Variants in PPP1CC observed in about 807,000 individuals in gnomAD.
PPP1CC encodes the protein protein phosphatase 1 catalytic subunit gamma.
Under a neutral mutation model 38.4 loss-of-function variants are expected in PPP1CC, and 16 were observed. The observed-to-expected ratio is 0.42, with a 90% CI of 0.28 to 0.63. The LOEUF (loss-of-function observed/expected upper bound fraction) is 0.63. Among genes scored for constraint, PPP1CC ranks in the 30% least tolerant of loss-of-function variants. The pLI is 0.25. For synonymous variants in PPP1CC, 158 were observed against 136.0 expected (o/e 1.16, Z -1.13); for missense variants, 170 against 391.3 (o/e 0.43, Z 4.77).
chr12:110,739,301 C>G (rs1301058931), intron 1 of PPP1CC, among the ~76,000 whole-genome samples: 1 of 151,784 alleles, frequency 6.6e-6, no homozygotes, highest in African/African-American at 2.4e-5. Flanking sequence ...GAGTGAGACT[C>G]TGTCTCCAAA....
chr12:110,733,912 C>A (rs1009694295), intron 1 of PPP1CC, among the ~76,000 whole-genome samples: 7 of 152,096 alleles, frequency 4.6e-5, no homozygotes, highest in Non-Finnish European at 8.8e-5. Flanking sequence ...CTAAAATTAG[C>A]AGAAAGAAAA....
Position 110,742,513 on chromosome 12 carries a change from C to T in PPP1CC, c.55+140G>A, listed in dbSNP as rs180833148. The stretch of plus-strand genomic sequence containing the variant: ...GCCTCCCTCCGGCTGCAGTCCCCGG[C>T]CCGTGGGCCAACTCGAGGAGCTCAC... On this transcript the variant is annotated intron_variant, in intron 1 of 6. Transcript: ENST00000335007. 2.8e-3 allele frequency: 1,842 copies of T among 663,964 alleles called. 26 individuals carry two copies. In the African/African-American group the frequency reaches 0.03, roughly 11 times the overall value. 41.1% of individuals were successfully genotyped at this position (663,964 alleles called of 1,614,324 possible). A position where few individuals can be genotyped will look rare whatever the true frequency, so the allele number is the denominator to read the frequency against.
At chr12:110,732,061 T>C (rs1199527373) in intron 1 of PPP1CC, 160 bp from the exon 2 acceptor site, 10 of 753,944 alleles carry the variant, frequency 1.3e-5, no homozygotes, top group Non-Finnish European at 2.1e-5. Flanking sequence ...ATTAGAATCT[T>C]AAAATCTTAG....
chr12:110,718,732 A>G (rs934478009), downstream of PPP1CC, among the ~76,000 whole-genome samples: 1 of 152,206 alleles, frequency 6.6e-6, no homozygotes, highest in African/African-American at 2.4e-5. Flanking sequence ...TTTCATAGCT[A>G]GGAACACAGT....
intron 1 of PPP1CC, among the ~76,000 whole-genome samples, chr12:110,736,214 G>A (rs1008731732): frequency 3.3e-5 from 5 of 152,130 alleles, no homozygotes; most frequent in Admixed American, 6.6e-5. Context: ...TCAGGAAAAC[G>A]TATTATTACT....
chr12:110,720,177 T>C lies in PPP1CC; in HGVS notation c.*899A>G. On this transcript the variant is annotated 3_prime_UTR_variant, in exon 7 of 7. Coordinates refer to ENST00000335007, the MANE Select transcript of PPP1CC (RefSeq NM_002710.4). ...ATTGTTTCTATAATTTGAAGCTTTC[T>C]GAATGGACGGGTTCAGGCCTGATGC... 6.4e-7 allele frequency: 1 copy of C among 1,555,126 alleles called. No individual in the cohort carries two copies. Among genetic ancestry groups the C allele is most frequent in the Admixed American group, 1.9e-5 (1 of 53,696 alleles).
the PPP1CC span, among the ~76,000 whole-genome samples, chr12:110,709,966 A>AATAATAATAATAATAAT: frequency 3.4e-4 from 48 of 142,720 alleles, 1 homozygote; most frequent in African/African-American, 1.2e-3. Flanking sequence ...TAATAATAAT[A>AATAATAATAATAATAAT]ATAATAATAA....
At chr12:110,734,412 C>T (rs1438830499) in intron 1 of PPP1CC, among the ~76,000 whole-genome samples, 5 of 152,198 alleles carry the variant, frequency 3.3e-5, no homozygotes, top group African/African-American at 9.7e-5. Flanking sequence ...GGCACGATCT[C>T]GGCTCACTGC....
downstream of PPP1CC, among the ~76,000 whole-genome samples, chr12:110,718,419 A>T (rs2069704197): frequency 6.6e-6 from 1 of 152,230 alleles, no homozygotes; most frequent in Non-Finnish European, 1.5e-5. Flanking sequence ...ACTAATAATT[A>T]CAACTTCCTC....
chr12:110,710,810 T>C, the PPP1CC span, among the ~76,000 whole-genome samples: 5 of 149,178 alleles, frequency 3.4e-5, no homozygotes, highest in African/African-American at 1.2e-4. Context: ...GGTGGGCGGA[T>C]CACTTGAGCT....
chr12:110,732,051 A>G (rs888700952), intron 1 of PPP1CC, 150 bp from the exon 2 acceptor site: 12 of 784,166 alleles, frequency 1.5e-5, no homozygotes, highest in Non-Finnish European at 2.4e-5. Context: ...TTAATGTCTA[A>G]TTAGAATCTT....
chr12:110,721,840 T>C (rs1055766250), intron 6 of PPP1CC: 1 of 427,520 alleles, frequency 2.3e-6, no homozygotes, highest in Admixed American at 3.9e-5. Context: ...TAATTTTAGC[T>C]GAACATTACA....
At chr12:110,728,414 A>C (rs564296385) in intron 3 of PPP1CC, among the ~76,000 whole-genome samples, 10 of 146,682 alleles carry the variant, frequency 6.8e-5, no homozygotes, top group African/African-American at 2.3e-4. Context: ...AAAAAAAAAA[A>C]CAAAAAACAA....
intron 3 of PPP1CC, chr12:110,726,802 A>C (rs2069804725): frequency 6.6e-6 from 1 of 152,120 alleles, no homozygotes; most frequent in Admixed American, 6.5e-5. Context: ...CAAAATTAAA[A>C]ACAAAAACAA....
the PPP1CC span, among the ~76,000 whole-genome samples, chr12:110,711,389 A>T: frequency 6.6e-6 from 1 of 151,246 alleles, no homozygotes; most frequent in Non-Finnish European, 1.5e-5. Flanking sequence ...TTTCTATAAA[A>T]ATAAATAAAT....
intron 4 of PPP1CC, 63 bp downstream of exon 4, chr12:110,724,597 G>A (rs2069774572): frequency 1.1e-6 from 1 of 928,280 alleles, no homozygotes; most frequent in Non-Finnish European, 1.8e-6. Context: ...ACTCACAAAT[G>A]TTAAAGTGTT....
At chr12:110,723,925 C>T (rs2069766816) in intron 4 of PPP1CC, among the ~76,000 whole-genome samples, 1 of 152,158 alleles carries the variant, frequency 6.6e-6, no homozygotes, top group South Asian at 2.1e-4. Context: ...ACAAATTACA[C>T]ATTGTTCATT....
intron 1 of PPP1CC, chr12:110,733,008 A>T (rs181970288): frequency 6.6e-6 from 1 of 152,368 alleles, no homozygotes; most frequent in East Asian, 1.9e-4. Context: ...ACAAGAAGCA[A>T]TAAAAGCATA....
the PPP1CC span, among the ~76,000 whole-genome samples, chr12:110,713,899 G>T: frequency 6.6e-6 from 1 of 152,168 alleles, no homozygotes; most frequent in Non-Finnish European, 1.5e-5. Flanking sequence ...AGGGGTTTGA[G>T]ACCAGCCTGG....
Sources: gnomAD v4.1 joint callset for allele counts (sites outside exome capture counted in the v4.1 genomes callset) on GRCh38, gnomAD v4.1.1 for gene constraint, MANE v1.5 for transcripts, NCBI Gene and HGNC (gene_info 2026-07-23, HGNC 2026-07-21) for gene names.